SRRM4: variants seen among roughly 807,000 people sequenced by gnomAD.
SRRM4 encodes the protein serine/arginine repetitive matrix 4.
A neutral mutation model predicts 68.9 loss-of-function variants in SRRM4; 33 were observed. The observed-to-expected ratio is 0.48, with a 90% CI of 0.36 to 0.64. The LOEUF is 0.64. SRRM4 is among the 30% of genes least tolerant of loss of function. The pLI, the probability that SRRM4 is intolerant of heterozygous loss-of-function variation, is 0.00. For missense variants in SRRM4, 817 were observed against 827.1 expected (o/e 0.99, Z 0.15); for synonymous variants, 318 against 318.8 (o/e 1.00, Z 0.03).
At chr12:119,079,772 A>G (rs1033325295) in intron 1 of SRRM4, among the ~76,000 whole-genome samples, 2 of 151,972 alleles carry the variant, frequency 1.3e-5, no homozygotes, top group African/African-American at 4.8e-5. Context: ...GATCCTTTCC[A>G]CCCATGAAAC....
At chr12:119,130,520 C>T (rs1388054801) in intron 7 of SRRM4, among the ~76,000 whole-genome samples, 158 bp from the exon 8 acceptor site, 1 of 152,134 alleles carries the variant, frequency 6.6e-6, no homozygotes, top group African/African-American at 2.4e-5. Flanking sequence ...AGCTTTCATA[C>T]ACACACATGC....
chr12:119,033,464 G>A (rs1192639236), intron 1 of SRRM4, among the ~76,000 whole-genome samples: 2 of 152,174 alleles, frequency 1.3e-5, no homozygotes, highest in African/African-American at 4.8e-5. Context: ...AAGAGATGGA[G>A]GCCATCCTGG....
At chr12:119,085,160 C>T (rs1953972310) in intron 1 of SRRM4, among the ~76,000 whole-genome samples, 2 of 152,308 alleles carry the variant, frequency 1.3e-5, no homozygotes, top group African/African-American at 4.8e-5. Context: ...CCTTGGCCTC[C>T]CAAAGTGCTG....
chr12:119,097,562 G>T (rs1954053677), intron 1 of SRRM4, among the ~76,000 whole-genome samples: 1 of 152,116 alleles, frequency 6.6e-6, no homozygotes, highest in Non-Finnish European at 1.5e-5. Flanking sequence ...AATTCCAGGT[G>T]GGATACCCAA....
chr12:119,118,738 C>G (rs956284506), intron 4 of SRRM4, among the ~76,000 whole-genome samples: 3 of 152,220 alleles, frequency 2.0e-5, no homozygotes, highest in Middle Eastern at 3.2e-3. Flanking sequence ...GGGAGAACAA[C>G]TTTCCCATAT....
chr12:119,034,565 T>C (rs1295859762), intron 1 of SRRM4, among the ~76,000 whole-genome samples: 3 of 152,256 alleles, frequency 2.0e-5, no homozygotes, highest in Non-Finnish European at 4.4e-5. Flanking sequence ...TACTGAAGAA[T>C]GTTAAAGTAG....
chr12:118,985,699 C>G (rs1004064310), intron 1 of SRRM4, among the ~76,000 whole-genome samples: 2 of 152,156 alleles, frequency 1.3e-5, no homozygotes, highest in African/African-American at 4.8e-5. Context: ...TTTTGCCTGG[C>G]ATTAACTTAA....
At chr12:119,040,397 G>A (rs981555751) in intron 1 of SRRM4, among the ~76,000 whole-genome samples, 2 of 152,016 alleles carry the variant, frequency 1.3e-5, no homozygotes, top group African/African-American at 4.8e-5. Context: ...TCATTCTTAT[G>A]CCCTTGCATC....
chr12:119,054,418 C>A (rs904089655), intron 1 of SRRM4, among the ~76,000 whole-genome samples: 18 of 152,174 alleles, frequency 1.2e-4, no homozygotes, highest in Admixed American at 1.1e-3. Context: ...AGTTGAGGCA[C>A]AGGGAAGTAG....
At chr12:119,006,393 G>A (rs1953416486) in intron 1 of SRRM4, among the ~76,000 whole-genome samples, 1 of 152,114 alleles carries the variant, frequency 6.6e-6, no homozygotes, top group African/African-American at 2.4e-5. Flanking sequence ...TCCCACCATA[G>A]AAAAATTGAA....
chr12:119,031,257 C>T (rs1016199384), intron 1 of SRRM4: 2 of 152,180 alleles, frequency 1.3e-5, no homozygotes, highest in Admixed American at 1.3e-4. Flanking sequence ...GAGACCTCCC[C>T]CAGTTCCTTG....
intron 10 of SRRM4, 108 bp downstream of exon 10, chr12:119,151,328 T>A: frequency 1.9e-6 from 2 of 1,044,020 alleles, no homozygotes; most frequent in South Asian, 1.4e-5. Context: ...GGACTTAGGT[T>A]TGAATACTCG....
intron 2 of SRRM4, among the ~76,000 whole-genome samples, chr12:119,111,390 A>C (rs527296101): frequency 6.6e-6 from 1 of 152,318 alleles, no homozygotes; most frequent in South Asian, 2.1e-4. Flanking sequence ...CACACACCTC[A>C]AATGTCTCCA....
At chr12:119,041,261 G>A (rs1334837858) in intron 1 of SRRM4, among the ~76,000 whole-genome samples, 1 of 152,102 alleles carries the variant, frequency 6.6e-6, no homozygotes, top group Non-Finnish European at 1.5e-5. Flanking sequence ...AGTTGCACGT[G>A]GGTCTAATTA....
rs1244480406 is a variant in SRRM4 at position 119,156,543 on chromosome 12, C to T, written c.1581C>T (p.Ser527=). ...IPYYRPSPSS[S]GSLSSTSSWY... is the part of the protein sequence containing the mutation. Reference sequence around the variant, plus strand: ...ACTATCGGCCCAGCCCCTCCTCATCCGGCAGCCTCAGCAGCACCTCCTCCT... The same window carrying T: ...ACTATCGGCCCAGCCCCTCCTCATCTGGCAGCCTCAGCAGCACCTCCTCCT... The change falls in exon 13 of 13, where the codon TCC becomes TCT. Residue 527 remains serine, a synonymous_variant. Transcript: ENST00000267260. 1 of 1,611,138 alleles carries T rather than the reference C, an allele frequency of 6.2e-7. No individual in the cohort carries two copies. Among genetic ancestry groups the T allele is most frequent in the Admixed American group, 1.7e-5 (1 of 59,992 alleles).
At chr12:119,064,987 C>T (rs1264084053) in intron 1 of SRRM4, among the ~76,000 whole-genome samples, 1 of 151,056 alleles carries the variant, frequency 6.6e-6, no homozygotes, top group African/African-American at 2.5e-5. Context: ...TTATGATTTG[C>T]TTAGCATTTA....
intron 2 of SRRM4, among the ~76,000 whole-genome samples, chr12:119,108,646 G>GT (rs202238669): frequency 0.027 from 3,662 of 136,172 alleles, 136 homozygotes; most frequent in African/African-American, 0.092. Flanking sequence ...ACCCCTGTTT[G>GT]TTTTTTTTTT....
intron 1 of SRRM4, among the ~76,000 whole-genome samples, chr12:119,076,928 G>T (rs1389652606): frequency 7.4e-6 from 1 of 135,936 alleles, no homozygotes; most frequent in African/African-American, 2.6e-5. Context: ...ACTGGGAAAT[G>T]TTCTGGGCTC....
At chr12:118,987,130 G>C (rs1953287528) in intron 1 of SRRM4, among the ~76,000 whole-genome samples, 1 of 152,142 alleles carries the variant, frequency 6.6e-6, no homozygotes, top group Admixed American at 6.5e-5. Flanking sequence ...TTTGCTACGT[G>C]CAAGCTGCAG....
Sources: allele counts gnomAD v4.1 joint callset (sites outside exome capture counted in the v4.1 genomes callset), GRCh38; gene constraint gnomAD v4.1.1; transcripts MANE v1.5; gene names NCBI Gene and HGNC (gene_info 2026-07-23, HGNC 2026-07-21).